The following PDE4D variants were observed in gnomAD, a reference collection of about 807,000 sequenced individuals.
PDE4D encodes the protein 3',5'-cyclic-AMP phosphodiesterase 4D.
PDE4D carries 24 observed loss-of-function variants against 87.4 expected under a neutral mutation model. The ratio of observed to expected loss-of-function variants is 0.27; its 90% CI spans 0.20 to 0.39. PDE4D has a LOEUF of 0.39. Ranked by LOEUF, PDE4D falls within the 10% of genes least tolerant of loss-of-function variation. PDE4D has a pLI of 1.00. For synonymous variants in PDE4D, 384 were observed against 383.2 expected (o/e 1.00, Z -0.02); for missense variants, 714 against 1,041.0 (o/e 0.69, Z 4.32).
intron 5 of PDE4D, among the ~76,000 whole-genome samples, chr5:59,152,773 C>A (rs1779641639): frequency 6.6e-6 from 1 of 152,148 alleles, no homozygotes. Context: ...CTCTCCACAA[C>A]ACAAACCACT....
chr5:59,750,410 T>C (rs1040388306), intron 1 of PDE4D, among the ~76,000 whole-genome samples: 5 of 152,140 alleles, frequency 3.3e-5, no homozygotes, highest in African/African-American at 7.2e-5. Context: ...TTTCTATAAC[T>C]TCCCCCCTCC....
At chr5:60,431,532 G>A (rs562907548) in intron 1 of PDE4D, among the ~76,000 whole-genome samples, 10 of 150,084 alleles carry the variant, frequency 6.7e-5, no homozygotes, top group Non-Finnish European at 1.3e-4. Flanking sequence ...GGGAAGAGGC[G>A]CTCCTCACTT....
chr5:59,988,651 G>T lies in PDE4D; in HGVS notation c.109C>A (p.Leu37Ile), dbSNP rs201710626. The T allele has an allele frequency of 6.2e-4, 990 of 1,599,214 alleles. 1 individual carries two copies. The highest frequency in any genetic ancestry group is 3.6e-3 in the Middle Eastern group (22 of 6,080). ...TTGCGACATGAAAGTCTCCGGACAA[G>T]ATAGGGTTCCATTCCGCGGAAAGGG... Residue 37 changes from leucine to isoleucine, a missense_variant, in exon 3 of 17, where the codon CTT becomes ATT. By Grantham distance (5) the Leu-to-Ile change is conservative. Transcript: ENST00000502484.
rs116140514 is a variant in PDE4D at position 59,583,397 on chromosome 5, C to T, written c.455+309771G>A. On this transcript the variant is annotated intron_variant, in intron 1 of 14. Transcript: ENST00000340635. ...TGTTCCTGAATGCCAGGCTATCTCTCCATTCTAACAACTAGCCAGAAGGAA... is the reference window on the plus strand; with the variant it reads ...TGTTCCTGAATGCCAGGCTATCTCTTCATTCTAACAACTAGCCAGAAGGAA... 3.4e-3 allele frequency among the ~76,000 whole-genome samples: 513 copies of T among 152,276 alleles called. 3 individuals are homozygous for T. Among genetic ancestry groups the T allele is most frequent in the African/African-American group, 0.012 (496 of 41,546 alleles).
intron 1 of PDE4D, among the ~76,000 whole-genome samples, chr5:60,329,834 A>C (rs548801986): frequency 6.6e-6 from 1 of 152,338 alleles, no homozygotes; most frequent in East Asian, 1.9e-4. Context: ...AACTTGAACG[A>C]CTTTAAAAAT....
intron 1 of PDE4D, among the ~76,000 whole-genome samples, chr5:60,337,388 T>TATATACACAC (rs66871903): frequency 0.013 from 1,161 of 88,936 alleles, 11 homozygotes; most frequent in South Asian, 0.024. Flanking sequence ...TATATATATA[T>TATATACACAC]ACACACACAC....
At chr5:60,429,593 G>T (rs529007934) in intron 1 of PDE4D, among the ~76,000 whole-genome samples, 137 of 152,258 alleles carry the variant, frequency 9.0e-4, no homozygotes, top group African/African-American at 3.1e-3. Context: ...TGTGATGTTG[G>T]CTGTGGGTTT....
chr5:60,184,216 T>C (rs1462267971), intron 2 of PDE4D, among the ~76,000 whole-genome samples: 1 of 152,194 alleles, frequency 6.6e-6, no homozygotes, highest in Non-Finnish European at 1.5e-5. Flanking sequence ...ACATTTGTAA[T>C]TATTCAAAAT....
chr5:60,228,345 C>A (rs1326238303), intron 1 of PDE4D, among the ~76,000 whole-genome samples: 1 of 152,112 alleles, frequency 6.6e-6, no homozygotes, highest in African/African-American at 2.4e-5. Flanking sequence ...AAAGGCTATG[C>A]AAAGCCCTAC....
In PDE4D at chr5:59,529,113, C is replaced by T. The variant is rs1379274614; in HGVS notation, c.456-313145G>A. 5.9e-5 allele frequency: 28 copies of T among 477,834 alleles called. No individual in the cohort carries two copies. The East Asian group carries it at 1.4e-3, about 24-fold the overall frequency. 29.6% of individuals were successfully genotyped at this position (477,834 alleles called of 1,614,324 possible). A position where few individuals can be genotyped will look rare whatever the true frequency, so the allele number is the denominator to read the frequency against. ...AATGTCTATTCTAATTTCAGACTCA[C>T]TCCTAAAACTCACTCTTGGGAGCTC... On this transcript the variant is annotated intron_variant, in intron 1 of 14. Coordinates refer to ENST00000340635, the MANE Select transcript of PDE4D (RefSeq NM_001104631.2).
rs537393494 is a variant in PDE4D at position 59,341,436 on chromosome 5, G to T, written c.456-125468C>A. On this transcript the variant is annotated intron_variant, in intron 1 of 14. Coordinates refer to ENST00000340635, the MANE Select transcript of PDE4D (RefSeq NM_001104631.2). ...ATAGTCCACACCACAAAAGCCAAGG[G>T]ATTTTTGTAATTGTTTTACAAGTAG... is the stretch of plus-strand genomic sequence containing the variant. Among the ~76,000 whole-genome samples the T allele has an allele frequency of 3.9e-5, 6 of 152,212 alleles. No individual in the cohort carries two copies. In the South Asian group the frequency reaches 1.2e-3, roughly 32 times the overall value.
intron 3 of PDE4D, among the ~76,000 whole-genome samples, chr5:59,946,034 C>T (rs1419593465): frequency 6.6e-6 from 1 of 152,148 alleles, no homozygotes; most frequent in Non-Finnish European, 1.5e-5. Context: ...CCCTCATTTT[C>T]AAGTGAAAAT....
intron 1 of PDE4D, among the ~76,000 whole-genome samples, chr5:59,702,690 G>A (rs775223516): frequency 2.0e-5 from 3 of 151,648 alleles, no homozygotes; most frequent in Non-Finnish European, 2.9e-5. Flanking sequence ...GCAACATGGC[G>A]AAACCTCATC....
At chr5:60,344,246 T>G (rs1758551683) in intron 1 of PDE4D, among the ~76,000 whole-genome samples, 1 of 152,130 alleles carries the variant, frequency 6.6e-6, no homozygotes, top group African/African-American at 2.4e-5. Context: ...TGCCAATCCT[T>G]CTCCAACGGA....
chr5:60,459,918 A>G (rs1746791327), intron 1 of PDE4D: 1 of 696,246 alleles, frequency 1.4e-6, no homozygotes, highest in African/African-American at 1.8e-5. Context: ...CTTCATCTTC[A>G]TTGTCTTCTT....
rs1447067463 is a variant in PDE4D, at chr5:58,971,420, T to G, written c.*3244A>C. Reference sequence around the variant, plus strand: ...ATCCCATCATGGGATGATGTTTTAATAAGAACAGATAATTTACAATTAACA... The same window carrying G: ...ATCCCATCATGGGATGATGTTTTAAGAAGAACAGATAATTTACAATTAACA... On this transcript the variant is annotated 3_prime_UTR_variant, in exon 15 of 15. Coordinates refer to ENST00000340635, the MANE Select transcript of PDE4D (RefSeq NM_001104631.2). 2.6e-5 allele frequency: 4 copies of G among 152,470 alleles called. No homozygotes were observed. Among genetic ancestry groups the G allele is most frequent in the Non-Finnish European group, 5.9e-5 (4 of 68,006 alleles). 9.4% of individuals were successfully genotyped at this position (152,470 alleles called of 1,614,324 possible).
Position 59,470,297 on chromosome 5 carries a change from G to GA in PDE4D, c.456-254330dup, listed in dbSNP as rs10710659. Among the ~76,000 whole-genome samples, 398 of 149,222 alleles carry GA rather than the reference G, an allele frequency of 2.7e-3. 3 individuals carry two copies. Among genetic ancestry groups the GA allele is most frequent in the African/African-American group, 8.3e-3 (338 of 40,736 alleles). Reference sequence around the variant, plus strand: ...GCCTCACCAACAAACTGCTGGTAAGGAAAAAAAAAATCACACAAAATATAT... The same window carrying GA: ...GCCTCACCAACAAACTGCTGGTAAGGAAAAAAAAAAATCACACAAAATATAT... On this transcript the variant is annotated intron_variant, in intron 1 of 14. Coordinates refer to ENST00000340635, the MANE Select transcript of PDE4D (RefSeq NM_001104631.2).
At chr5:58,999,624 C>T in intron 6 of PDE4D, 1 of 1,195,906 alleles carries the variant, frequency 8.4e-7, no homozygotes, top group Admixed American at 4.3e-5. Context: ...GACACTTTAA[C>T]AACCTCCACA....
intron 1 of PDE4D, among the ~76,000 whole-genome samples, chr5:60,362,331 AGT>A (rs1760143111): frequency 6.6e-6 from 1 of 152,204 alleles, no homozygotes; most frequent in Non-Finnish European, 1.5e-5. Context: ...AGGTCAGATG[AGT>A]CATCTTTTGG....
Sources: allele counts gnomAD v4.1 joint callset (sites outside exome capture counted in the v4.1 genomes callset), GRCh38; gene constraint gnomAD v4.1.1; transcripts MANE v1.5; gene names NCBI Gene and HGNC (gene_info 2026-07-23, HGNC 2026-07-21).